Variants in SCHIP1 observed in about 807,000 individuals in gnomAD.
SCHIP1 encodes the protein schwannomin interacting protein 1, also known as schwannomin-interacting protein 1.
SCHIP1 carries 8 observed loss-of-function variants against 29.7 expected under a neutral mutation model. The observed-to-expected ratio is 0.27, with a 90% CI of 0.16 to 0.49. The LOEUF is 0.49. Ranked by LOEUF, SCHIP1 falls within the 20% of genes least tolerant of loss-of-function variation. The pLI is 0.99. For missense variants in SCHIP1, 193 were observed against 294.6 expected (o/e 0.66, Z 2.52); for synonymous variants, 76 against 94.9 (o/e 0.80, Z 1.16).
the SCHIP1 span, among the ~76,000 whole-genome samples, chr3:159,745,693 C>G: frequency 1.3e-5 from 2 of 152,212 alleles, no homozygotes; most frequent in African/African-American, 4.8e-5. Context: ...GCTCATGTAT[C>G]TAACCTTATT....
intron 2 of SCHIP1, among the ~76,000 whole-genome samples, chr3:159,885,222 C>T (rs1716843931): frequency 6.6e-6 from 1 of 152,188 alleles, no homozygotes; most frequent in Admixed American, 6.5e-5. Flanking sequence ...CTGCCCTAAA[C>T]CTGGCTTAGG....
chr3:159,372,551 T>C, the SCHIP1 span, among the ~76,000 whole-genome samples: 56 of 152,256 alleles, frequency 3.7e-4, no homozygotes, highest in African/African-American at 1.2e-3. Flanking sequence ...TTATAATGTA[T>C]TTAAACTTTG....
the SCHIP1 span, among the ~76,000 whole-genome samples, chr3:159,403,983 T>C: frequency 6.6e-6 from 1 of 152,154 alleles, no homozygotes; most frequent in Non-Finnish European, 1.5e-5. Context: ...AAGGCCTTCA[T>C]TCCAGGTCCT....
At chr3:159,317,488 G>A in the SCHIP1 span, among the ~76,000 whole-genome samples, 65,735 of 151,980 alleles carry the variant, frequency 0.43, 14,616 homozygotes, top group African/African-American at 0.51. Context: ...TCCCGGACCC[G>A]TGAATCCTGG....
chr3:159,521,500 G>A, the SCHIP1 span, among the ~76,000 whole-genome samples: 1 of 152,240 alleles, frequency 6.6e-6, no homozygotes, highest in Non-Finnish European at 1.5e-5. Flanking sequence ...GACTGGAGCT[G>A]AGAGGGGTTG....
the SCHIP1 span, among the ~76,000 whole-genome samples, chr3:159,281,867 T>C: frequency 6.6e-6 from 1 of 152,184 alleles, no homozygotes; most frequent in Non-Finnish European, 1.5e-5. Flanking sequence ...AGACCCCTAT[T>C]GTTAACATTT....
At chr3:159,560,018 T>C in the SCHIP1 span, among the ~76,000 whole-genome samples, 1 of 152,176 alleles carries the variant, frequency 6.6e-6, no homozygotes, top group Non-Finnish European at 1.5e-5. Flanking sequence ...AAAGTACACA[T>C]TGTCTCTGCC....
the SCHIP1 span, among the ~76,000 whole-genome samples, chr3:159,570,323 A>C: frequency 2.0e-5 from 3 of 152,174 alleles, no homozygotes; most frequent in Admixed American, 6.5e-5. Flanking sequence ...TTTTTTGTAT[A>C]AGATGTAAGG....
intron 2 of SCHIP1, among the ~76,000 whole-genome samples, chr3:159,875,036 A>C (rs1715659667): frequency 1.3e-5 from 2 of 151,576 alleles, no homozygotes; most frequent in Non-Finnish European, 1.5e-5. Flanking sequence ...AAAAAAACAA[A>C]AACTATCATT....
chr3:159,747,245 G>A, the SCHIP1 span, among the ~76,000 whole-genome samples: 1 of 152,168 alleles, frequency 6.6e-6, no homozygotes, highest in Non-Finnish European at 1.5e-5. Context: ...TCTTGGATCT[G>A]AGAAGCTCCT....
At chr3:159,504,557 A>T in the SCHIP1 span, among the ~76,000 whole-genome samples, 1 of 152,198 alleles carries the variant, frequency 6.6e-6, no homozygotes, top group Non-Finnish European at 1.5e-5. Flanking sequence ...GGTTATCTTC[A>T]ATCCAAAAAT....
the SCHIP1 span, among the ~76,000 whole-genome samples, chr3:159,281,271 T>A: frequency 6.6e-6 from 1 of 152,186 alleles, no homozygotes; most frequent in Non-Finnish European, 1.5e-5. Context: ...CCTGCTAGAA[T>A]CTGGGGAAAC....
chr3:159,417,745 G>A, the SCHIP1 span, among the ~76,000 whole-genome samples: 48 of 152,302 alleles, frequency 3.2e-4, no homozygotes, highest in African/African-American at 8.7e-4. Context: ...GCTCAGCCAC[G>A]TCAAATGCTT....
the SCHIP1 span, among the ~76,000 whole-genome samples, chr3:159,735,391 G>T: frequency 6.6e-6 from 1 of 151,908 alleles, no homozygotes; most frequent in African/African-American, 2.4e-5. Flanking sequence ...CATCATGCCT[G>T]GCTAATTTTT....
At chr3:159,818,793 C>G in the SCHIP1 span, among the ~76,000 whole-genome samples, 5 of 152,314 alleles carry the variant, frequency 3.3e-5, no homozygotes, top group East Asian at 9.6e-4. Flanking sequence ...GGTCCTTTTC[C>G]TTTTTGACAG....
intron 1 of SCHIP1, chr3:159,853,593 A>G: frequency 2.0e-6 from 1 of 488,524 alleles, no homozygotes; most frequent in South Asian, 3.6e-5. Context: ...CTAAATGCAC[A>G]GAATCAAATG....
intron 5 of SCHIP1, among the ~76,000 whole-genome samples, chr3:159,891,817 C>T (rs144952511): frequency 4.7e-4 from 71 of 152,282 alleles, no homozygotes; most frequent in Non-Finnish European, 8.5e-4. Flanking sequence ...AAAACAAAAC[C>T]TGCTTTTTCT....
chr3:159,563,473 TA>T, the SCHIP1 span, among the ~76,000 whole-genome samples: 1 of 152,252 alleles, frequency 6.6e-6, no homozygotes, highest in South Asian at 2.1e-4. Flanking sequence ...ATATGTTTTA[TA>T]AATTTATGTA....
chr3:159,468,108 C>T, the SCHIP1 span, among the ~76,000 whole-genome samples: 1 of 151,992 alleles, frequency 6.6e-6, no homozygotes, highest in Non-Finnish European at 1.5e-5. Flanking sequence ...ATATTATTTT[C>T]TTGATGTAAT....
Sources: gnomAD v4.1 joint callset for allele counts (sites outside exome capture counted in the v4.1 genomes callset) on GRCh38, gnomAD v4.1.1 for gene constraint, MANE v1.5 for transcripts, NCBI Gene and HGNC (gene_info 2026-07-23, HGNC 2026-07-21) for gene names.